Variants in TEX101 observed in about 807,000 individuals in gnomAD.
TEX101 encodes testis expressed 101.
Under a neutral mutation model 18.1 loss-of-function variants are expected in TEX101, and 10 were observed. That is an observed-to-expected ratio of 0.55 (90% CI 0.34 to 0.94). The LOEUF (loss-of-function observed/expected upper bound fraction) is 0.94, where lower values mean the gene tolerates loss of function less well. TEX101 is among the 40% of genes least tolerant of loss of function. TEX101 has a pLI of 0.02. For missense variants in TEX101, 259 were observed against 298.9 expected, an observed-to-expected ratio of 0.87 and a Z score of 0.98; for synonymous variants, 94 against 114.8, an observed-to-expected ratio of 0.82 and a Z score of 1.16.
In TEX101 at chr19:43,416,126, G is replaced by A. The variant is rs200993059; in HGVS notation, c.92G>A (p.Gly31Asp). The stretch of plus-strand genomic sequence containing the variant: ...GGCCTAGAGCTGTATTGTCAAAAGG[G>A]TCTGTCCATGACTGTGGAAGCAGAT... ...TSGLELYCQKGLSMTVEADPA... is the reference protein window; with the variant it reads ...TSGLELYCQKDLSMTVEADPA... Residue 31 changes from glycine to aspartate, a missense_variant, in exon 3 of 6, where the codon GGT becomes GAT. Transcript: ENST00000598265. 25 of 1,612,796 alleles carry A rather than the reference G, an allele frequency of 1.6e-5. No homozygotes were observed. The highest frequency in any genetic ancestry group is 2.1e-5 in the Non-Finnish European group (25 of 1,179,440).
chr19:43,400,477 A>C (rs988613816), upstream of TEX101, among the ~76,000 whole-genome samples: 1 of 152,190 alleles, frequency 6.6e-6, no homozygotes. Flanking sequence ...CTGATGCATA[A>C]TTACTTATTT....
At chr19:43,400,536 G>C (rs553854694), upstream of TEX101, among the ~76,000 whole-genome samples, 1 of 152,148 alleles carries the variant, frequency 6.6e-6, no homozygotes, top group Admixed American at 6.5e-5. Flanking sequence ...AAGAATAACA[G>C]TACTGAATGC....
At chr19:43,416,338 A>G (rs780741158) in intron 3 of TEX101, 35 bp from the exon 4 acceptor site, 1 of 1,596,944 alleles carries the variant, frequency 6.3e-7, no homozygotes, top group East Asian at 2.2e-5. Context: ...TGTGACGGCC[A>G]CCATCCATTT....
intron 1 of TEX101, among the ~76,000 whole-genome samples, 163 bp from the exon 2 acceptor site, chr19:43,415,718 C>T (rs572099406): frequency 2.0e-5 from 3 of 151,918 alleles, no homozygotes; most frequent in Non-Finnish European, 4.4e-5. Flanking sequence ...CGAGATTGCG[C>T]CACTGCACTC....
chr19:43,410,773 GACAT>G (rs747128810), upstream of TEX101, among the ~76,000 whole-genome samples: 3 of 147,958 alleles, frequency 2.0e-5, no homozygotes, highest in African/African-American at 5.0e-5. Flanking sequence ...GATACACACA[GACAT>G]ACATATATAC....
At chr19:43,414,066 G>A (rs2122342121), upstream of TEX101, among the ~76,000 whole-genome samples, 1 of 152,008 alleles carries the variant, frequency 6.6e-6, no homozygotes, top group East Asian at 1.9e-4. Flanking sequence ...GGAGGTTGCA[G>A]GGAGCCAAGA....
upstream of TEX101, among the ~76,000 whole-genome samples, chr19:43,413,881 G>T (rs1970441993): frequency 6.6e-6 from 1 of 152,048 alleles, no homozygotes; most frequent in South Asian, 2.1e-4. Flanking sequence ...CTTGAACCTG[G>T]GAGAGGGAGG....
At chr19:43,416,610 G>A (rs1970482806) in intron 4 of TEX101, 55 bp downstream of exon 4, 2 of 1,540,938 alleles carry the variant, frequency 1.3e-6, no homozygotes, top group Non-Finnish European at 1.8e-6. Context: ...AAGAGCTTGT[G>A]TATGGCCTCC....
At chr19:43,413,432 G>A (rs1970436840), upstream of TEX101, among the ~76,000 whole-genome samples, 1 of 151,464 alleles carries the variant, frequency 6.6e-6, no homozygotes, top group African/African-American at 2.4e-5. Context: ...AAGTCGGGAG[G>A]CAGAGCTTGC....
intron 1 of TEX101, 56 bp from the exon 2 acceptor site, chr19:43,415,825 T>G: frequency 1.3e-6 from 2 of 1,502,386 alleles, no homozygotes; most frequent in Non-Finnish European, 1.8e-6. Context: ...GACCTAGATT[T>G]GATCTCATGC....
At chr19:43,401,593 G>C (rs1970318695) in intron 1 of TEX101, 1 of 152,260 alleles carries the variant, frequency 6.6e-6, no homozygotes, top group Non-Finnish European at 1.5e-5. Context: ...GTGGTGGCTT[G>C]CGCCTATAAT....
In TEX101 at chr19:43,417,914, G is replaced by C. The variant is rs754784654; in HGVS notation, c.428G>C (p.Cys143Ser). 6.2e-7 allele frequency: 1 copy of C among 1,614,162 alleles called. No homozygotes were observed. The highest frequency in any genetic ancestry group is 8.5e-7 in the Non-Finnish European group (1 of 1,180,018). Residue 143 changes from cysteine to serine, a missense_variant, in exon 5 of 6, where the codon TGT becomes TCT. Coordinates refer to ENST00000598265, the MANE Select transcript of TEX101 (RefSeq NM_001130011.3). Reference sequence around the variant, plus strand: ...TCAACAACCCTCCATTGTCCAACCTGTGTGGCTTTGGGGACCTGTTTCAGT... The same window carrying C: ...TCAACAACCCTCCATTGTCCAACCTCTGTGGCTTTGGGGACCTGTTTCAGT... ...TVSTTLHCPT[C>S]VALGTCFSAP...
chr19:43,410,038 CA>C (rs563525613), upstream of TEX101, among the ~76,000 whole-genome samples: 4 of 147,318 alleles, frequency 2.7e-5, no homozygotes, highest in Non-Finnish European at 4.5e-5. Flanking sequence ...GATCCTGTCT[CA>C]AAAAAAAAAT....
At chr19:43,408,855 C>T (rs2122331605) in intron 3 of TEX101, among the ~76,000 whole-genome samples, 1 of 152,314 alleles carries the variant, frequency 6.6e-6, no homozygotes, top group East Asian at 1.9e-4. Flanking sequence ...GGAAACTTCT[C>T]AAGCACCGAT....
At chr19:43,412,428 A>G (rs1322551585), upstream of TEX101, among the ~76,000 whole-genome samples, 3 of 152,212 alleles carry the variant, frequency 2.0e-5, no homozygotes, top group Non-Finnish European at 4.4e-5. Flanking sequence ...TTACATTTCA[A>G]CATGAGATTT....
chr19:43,393,959 G>T, the TEX101 span, among the ~76,000 whole-genome samples: 4 of 151,844 alleles, frequency 2.6e-5, no homozygotes, highest in Non-Finnish European at 2.9e-5. Flanking sequence ...CCCTTTTCTG[G>T]CTTTGAGGTG....
the TEX101 span, among the ~76,000 whole-genome samples, chr19:43,395,732 T>G: frequency 5.3e-5 from 8 of 152,322 alleles, no homozygotes; most frequent in East Asian, 3.9e-4. Flanking sequence ...TCCTGTTAGG[T>G]TGGGAGCAGG....
At chr19:43,389,014 C>A in the TEX101 span, among the ~76,000 whole-genome samples, 10 of 152,120 alleles carry the variant, frequency 6.6e-5, no homozygotes, top group Admixed American at 6.5e-4. Context: ...CTCGAGGCAT[C>A]GTAGCTTCCC....
the TEX101 span, among the ~76,000 whole-genome samples, chr19:43,390,760 C>T: frequency 2.7e-4 from 41 of 150,936 alleles, no homozygotes; most frequent in East Asian, 7.1e-3. Flanking sequence ...CCACCTCGCC[C>T]GGCCCATTTT....
Sources: gnomAD v4.1 joint callset for allele counts (sites outside exome capture counted in the v4.1 genomes callset) on GRCh38, gnomAD v4.1.1 for gene constraint, MANE v1.5 for transcripts, NCBI Gene and HGNC (gene_info 2026-07-23, HGNC 2026-07-21) for gene names.